The following SGK1 variants were observed in gnomAD, a reference collection of about 807,000 sequenced individuals.
SGK1 encodes the protein serine/threonine-protein kinase Sgk1.
Under a neutral mutation model 64.2 loss-of-function variants are expected in SGK1, and 26 were observed. The observed-to-expected ratio is 0.40, with a 90% CI of 0.30 to 0.56. The LOEUF (loss-of-function observed/expected upper bound fraction) is 0.56. Ranked by LOEUF, SGK1 falls within the 20% of genes least tolerant of loss-of-function variation. The probability of loss-of-function intolerance (pLI) is 0.38; values close to 1 mark genes in which losing one functional copy is unlikely to be tolerated. For synonymous variants in SGK1, 265 were observed against 239.7 expected, an observed-to-expected ratio of 1.11 and a Z score of -0.98; for missense variants, 519 against 645.6, an observed-to-expected ratio of 0.80 and a Z score of 2.12.
chr6:134,312,421 C>T (rs1777621558), intron 1 of SGK1, among the ~76,000 whole-genome samples: 1 of 152,156 alleles, frequency 6.6e-6, no homozygotes, highest in Admixed American at 6.5e-5. Flanking sequence ...GAAGAATAAG[C>T]ACTTCAGAGG....
chr6:134,179,722 G>A (rs1775303406), intron 3 of SGK1, among the ~76,000 whole-genome samples: 1 of 151,958 alleles, frequency 6.6e-6, no homozygotes, highest in African/African-American at 2.4e-5. Context: ...AGTGTTAAAA[G>A]TTATTAAAAC....
At chr6:134,173,831 AT>A in intron 5 of SGK1, 173 bp downstream of exon 5, 1 of 604,004 alleles carries the variant, frequency 1.7e-6, no homozygotes, top group Middle Eastern at 4.3e-4. Flanking sequence ...CAGGAAAAAA[AT>A]AAAATAATAC....
At chr6:134,206,381 ATATTTTTTTTTTTT>A (rs1222074103) in intron 3 of SGK1, among the ~76,000 whole-genome samples, 2 of 5,584 alleles carry the variant, frequency 3.6e-4, no homozygotes, top group African/African-American at 1.0e-3. Flanking sequence ...ATATATATAT[ATATTTTTTTTTTTT>A]TTTTTTTTTT....
At chr6:134,291,482 T>G (rs569606974) in intron 1 of SGK1, among the ~76,000 whole-genome samples, 2 of 152,328 alleles carry the variant, frequency 1.3e-5, no homozygotes, top group East Asian at 3.9e-4. Context: ...TCAGTTGGCA[T>G]GATAATAAAG....
intron 2 of SGK1, among the ~76,000 whole-genome samples, chr6:134,241,344 C>T (rs892771128): frequency 6.6e-6 from 1 of 151,960 alleles, no homozygotes; most frequent in African/African-American, 2.4e-5. Context: ...TCAATGGACC[C>T]AGGCTCTGAA....
rs547419469 is a variant in SGK1, at chr6:134,297,083, G to C, written c.69+20309C>G. The stretch of plus-strand genomic sequence containing the variant: ...TCACAACCACAGCCCTGGTGGAGCT[G>C]ATGTGGCTGAAGGAGCTAGAGTTCA... On this transcript the variant is annotated intron_variant, in intron 1 of 13. Transcript: ENST00000367858. 18 of 487,876 alleles carry C rather than the reference G, an allele frequency of 3.7e-5. No homozygotes were observed. In the East Asian group the frequency reaches 3.7e-4, roughly 10 times the overall value. 30.2% of individuals were successfully genotyped at this position (487,876 alleles called of 1,614,324 possible).
At position 134,171,688 on chromosome 6, in the gene SGK1, A is replaced by G. The variant is rs2114630923; in HGVS notation, c.1116T>C (p.Thr372=). Residue 372 remains threonine (T), a synonymous_variant, in exon 11 of 14, where the codon ACT becomes ACC. Transcript: ENST00000367858. ...CAGCTCCCAGGCACCACCAGTCCAC[A>G]GTCCTGTCATAAGGCTGCTTATGAA... ...EVLHKQPYDR[T]VDWWCLGAVL... is the part of the protein sequence containing the mutation. The G allele has an allele frequency of 6.2e-7, 1 of 1,614,128 alleles. No individual in the cohort carries two copies. Among genetic ancestry groups the G allele is most frequent in the Non-Finnish European group, 8.5e-7 (1 of 1,179,950 alleles).
rs1180918609 is a variant in SGK1 at position 134,310,595 on chromosome 6, G to A, written c.69+6797C>T. Among the ~76,000 whole-genome samples the A allele has an allele frequency of 4.6e-5, 7 of 152,256 alleles. No homozygotes were observed. The East Asian group carries it at 1.2e-3, about 25-fold the overall frequency. ...GATACTATATAGTTTTTGTTTGTTT[G>A]TTTGTTTTTTGAGATGCTGTCTCAC... On this transcript the variant is annotated intron_variant, in intron 1 of 13. Transcript: ENST00000367858.
rs77722599 is a variant in SGK1 at position 134,216,606 on chromosome 6, C to T, written c.286-9175G>A. Among the ~76,000 whole-genome samples, 51 of 152,316 alleles carry T rather than the reference C, an allele frequency of 3.3e-4. No homozygotes were observed. The East Asian group carries it at 8.9e-3, about 26-fold the overall frequency. ...GAAACTACTACCCTAGTTGCTAACTCATTGCTCCCTAGACATTGTATTTGG... is the reference window on the plus strand; with the variant it reads ...GAAACTACTACCCTAGTTGCTAACTTATTGCTCCCTAGACATTGTATTTGG... On this transcript the variant is annotated intron_variant, in intron 2 of 13. Transcript: ENST00000367858.
At chr6:134,254,422 T>A (rs1364045941) in intron 2 of SGK1, among the ~76,000 whole-genome samples, 1 of 152,066 alleles carries the variant, frequency 6.6e-6, no homozygotes, top group African/African-American at 2.4e-5. Context: ...AATGGTCTCA[T>A]GGTGCAAAAT....
chr6:134,289,686 GT>G (rs1319486418), intron 1 of SGK1, among the ~76,000 whole-genome samples: 4 of 151,764 alleles, frequency 2.6e-5, no homozygotes, highest in Non-Finnish European at 5.9e-5. Flanking sequence ...CACAATTCAG[GT>G]GCTCAATAGT....
chr6:134,279,206 TG>T (rs1383500879), intron 1 of SGK1, among the ~76,000 whole-genome samples: 1 of 152,016 alleles, frequency 6.6e-6, no homozygotes. Flanking sequence ...CCTACATGGG[TG>T]GATCACTTGA....
chr6:134,257,474 CCTT>C (rs1776702710), intron 2 of SGK1, among the ~76,000 whole-genome samples: 1 of 152,120 alleles, frequency 6.6e-6, no homozygotes, highest in Non-Finnish European at 1.5e-5. Flanking sequence ...ACTTAATTTG[CCTT>C]CTTATTTTAT....
chr6:134,254,025 T>C (rs145681614), intron 2 of SGK1, among the ~76,000 whole-genome samples: 238 of 151,672 alleles, frequency 1.6e-3, no homozygotes, highest in African/African-American at 5.3e-3. Flanking sequence ...GTCCCTGGCA[T>C]GCAGCGCCTC....
At chr6:134,264,156 T>C (rs1290973209) in intron 1 of SGK1, among the ~76,000 whole-genome samples, 1 of 150,860 alleles carries the variant, frequency 6.6e-6, no homozygotes, top group Non-Finnish European at 1.5e-5. Flanking sequence ...TCTCGCTCTG[T>C]TGCCCCTGGC....
rs1207558619 is a variant in SGK1, at chr6:134,317,597, C to T, written c.-137G>A. The T allele has an allele frequency of 1.4e-5, 10 of 700,796 alleles. No individual in the cohort carries two copies. 43.4% of individuals were successfully genotyped at this position (700,796 alleles called of 1,614,324 possible). Reference sequence around the variant, plus strand: ...ATGGAGAATCTAGCGGGGCTCAGTTCTTCACTCGCGCATTCTGCAGCACCA... The same window carrying T: ...ATGGAGAATCTAGCGGGGCTCAGTTTTTCACTCGCGCATTCTGCAGCACCA... On this transcript the variant is annotated 5_prime_UTR_variant, in exon 1 of 14. Coordinates refer to ENST00000367858, the MANE Select transcript of SGK1 (RefSeq NM_001143676.3).
chr6:134,241,048 C>CTTTTTTTTTTTTTTTT (rs10686058), intron 2 of SGK1, among the ~76,000 whole-genome samples: 11 of 74,076 alleles, frequency 1.5e-4, no homozygotes, highest in African/African-American at 3.8e-4. Context: ...TTCTTTTTTT[C>CTTTTTTTTTTTTTTTT]TTTTTTTTTT....
At chr6:134,285,179 C>T (rs1777162144) in intron 1 of SGK1, among the ~76,000 whole-genome samples, 1 of 152,082 alleles carries the variant, frequency 6.6e-6, no homozygotes, top group African/African-American at 2.4e-5. Flanking sequence ...TCCCTTTTGG[C>T]TGGGCTCGGT....
At chr6:134,171,356 G>T (rs1582680302) in intron 11 of SGK1, 178 bp from the exon 12 acceptor site, 2 of 624,578 alleles carry the variant, frequency 3.2e-6, no homozygotes, top group South Asian at 2.0e-5. Context: ...CCGTGTGTGT[G>T]TTTGTGTGTG....
Sources: allele counts gnomAD v4.1 joint callset (sites outside exome capture counted in the v4.1 genomes callset), GRCh38; gene constraint gnomAD v4.1.1; transcripts MANE v1.5; gene names NCBI Gene and HGNC (gene_info 2026-07-23, HGNC 2026-07-21).